The following PACRG variants were observed in gnomAD, a reference collection of about 807,000 sequenced individuals.
PACRG encodes parkin coregulated.
A neutral mutation model predicts 29.7 loss-of-function variants in PACRG; 29 were observed. The observed-to-expected ratio is 0.98, with a 90% CI of 0.73 to 1.33. The LOEUF (loss-of-function observed/expected upper bound fraction) is 1.33. Among genes scored for constraint, PACRG ranks in the 40% most tolerant of loss-of-function variants. PACRG has a pLI of 0.00. For synonymous variants in PACRG, 116 were observed against 118.7 expected (o/e 0.98, Z 0.15); for missense variants, 279 against 316.2 (o/e 0.88, Z 0.89).
At chr6:162,783,483 G>T (rs1383173522) in intron 1 of PACRG, among the ~76,000 whole-genome samples, 1 of 151,758 alleles carries the variant, frequency 6.6e-6, no homozygotes, top group East Asian at 1.9e-4. Flanking sequence ...TATAACTGCT[G>T]TTTTTCATTT....
At chr6:162,951,294 A>G (rs1799627061) in intron 2 of PACRG, among the ~76,000 whole-genome samples, 1 of 152,232 alleles carries the variant, frequency 6.6e-6, no homozygotes, top group Non-Finnish European at 1.5e-5. Context: ...GAAAGATTGA[A>G]ACTCGCTTAG....
At chr6:162,878,832 A>G (rs528757860) in intron 2 of PACRG, among the ~76,000 whole-genome samples, 1 of 152,348 alleles carries the variant, frequency 6.6e-6, no homozygotes, top group East Asian at 1.9e-4. Context: ...GCCCCATGTT[A>G]TTCTAAATCT....
chr6:163,005,846 C>G (rs1270421986), intron 2 of PACRG, among the ~76,000 whole-genome samples: 1 of 146,470 alleles, frequency 6.8e-6, no homozygotes, highest in East Asian at 2.0e-4. Flanking sequence ...CATAGTTATA[C>G]GTGTTATATA....
chr6:162,875,269 T>C (rs1321684168), intron 2 of PACRG, among the ~76,000 whole-genome samples: 1 of 127,474 alleles, frequency 7.8e-6, no homozygotes, highest in Non-Finnish European at 1.7e-5. Context: ...GCACACACAG[T>C]CATCCACACA....
chr6:162,867,733 A>G (rs577198829), intron 2 of PACRG, among the ~76,000 whole-genome samples: 77 of 152,354 alleles, frequency 5.1e-4, no homozygotes, highest in Admixed American at 2.8e-3. Context: ...TTGATGAACC[A>G]GGTGGCTACC....
chr6:162,758,987 T>C (rs878976356), intron 1 of PACRG, among the ~76,000 whole-genome samples: 1 of 152,206 alleles, frequency 6.6e-6, no homozygotes, highest in Non-Finnish European at 1.5e-5. Flanking sequence ...CATATTGTAG[T>C]GTTTAAAGAC....
intron 2 of PACRG, among the ~76,000 whole-genome samples, chr6:163,034,480 C>G (rs919928188): frequency 1.3e-5 from 2 of 152,178 alleles, no homozygotes; most frequent in East Asian, 3.9e-4. Flanking sequence ...GGCTTCTAAC[C>G]CAAGGTTGGT....
chr6:162,826,743 G>A (rs956646602), intron 2 of PACRG, among the ~76,000 whole-genome samples: 6 of 152,222 alleles, frequency 3.9e-5, no homozygotes, highest in East Asian at 1.9e-4. Context: ...GATTAGCGAC[G>A]TGAGCCACCG....
At chr6:163,120,522 G>A (rs930610266) in intron 4 of PACRG, among the ~76,000 whole-genome samples, 4 of 152,146 alleles carry the variant, frequency 2.6e-5, no homozygotes, top group Non-Finnish European at 5.9e-5. Flanking sequence ...CTGGACCCAC[G>A]GGACATGAGA....
At chr6:163,080,516 C>T (rs1233904742) in intron 3 of PACRG, among the ~76,000 whole-genome samples, 1 of 152,206 alleles carries the variant, frequency 6.6e-6, no homozygotes, top group Admixed American at 6.5e-5. Flanking sequence ...CTTCAGGTTT[C>T]ATTCTCTGTG....
intron 4 of PACRG, among the ~76,000 whole-genome samples, chr6:163,096,187 AC>A (rs890329833): frequency 6.6e-6 from 1 of 152,102 alleles, no homozygotes; most frequent in Non-Finnish European, 1.5e-5. Flanking sequence ...CTGCAAACTA[AC>A]CAGAGATGGA....
Position 162,969,900 on chromosome 6 carries a change from T to C in PACRG, c.292-92250T>C, listed in dbSNP as rs570356042. On this transcript the variant is annotated intron_variant, in intron 2 of 4. Coordinates refer to ENST00000366888, the MANE Select transcript of PACRG (RefSeq NM_001080379.2). Reference sequence around the variant, plus strand: ...GCATTTGCCGCCAATTGCCACTGTTTATCTGCATGTTTGTTGCATGTGAGC... The same window carrying C: ...GCATTTGCCGCCAATTGCCACTGTTCATCTGCATGTTTGTTGCATGTGAGC... 3.9e-5 allele frequency among the ~76,000 whole-genome samples: 6 copies of C among 152,336 alleles called. No homozygotes were observed. In the East Asian group the frequency reaches 7.7e-4, roughly 20 times the overall value.
intron 1 of PACRG, among the ~76,000 whole-genome samples, chr6:162,797,590 G>T (rs1336160898): frequency 6.6e-6 from 1 of 152,108 alleles, no homozygotes; most frequent in Admixed American, 6.6e-5. Context: ...AATTTCTTCA[G>T]CAATAAATAA....
rs976728391 is a variant in PACRG at position 163,223,350 on chromosome 6, C to T, written c.614-91477C>T. Among the ~76,000 whole-genome samples the T allele has an allele frequency of 1.6e-4, 24 of 152,172 alleles. 1 individual carries two copies. The highest frequency in any genetic ancestry group is 1.1e-3 in the Admixed American group (17 of 15,290). ...CAGAGGTTGCAGTAAGCCGAGATTGCGCCGTTGCACTCCAGCCTGGGCAAA... is the reference window on the plus strand; with the variant it reads ...CAGAGGTTGCAGTAAGCCGAGATTGTGCCGTTGCACTCCAGCCTGGGCAAA... On this transcript the variant is annotated intron_variant, in intron 4 of 4. Transcript: ENST00000366888.
intron 1 of PACRG, among the ~76,000 whole-genome samples, chr6:162,741,899 A>T (rs774907625): frequency 1.3e-5 from 2 of 152,262 alleles, no homozygotes; most frequent in Admixed American, 6.5e-5. Context: ...CATACTCATA[A>T]TTTTTTTGCA....
intron 4 of PACRG, among the ~76,000 whole-genome samples, chr6:163,229,339 A>G (rs1205545361): frequency 6.8e-6 from 1 of 146,992 alleles, no homozygotes; most frequent in Non-Finnish European, 1.5e-5. Flanking sequence ...ACAGAGTGAG[A>G]CCTCTGCCTT....
intron 1 of PACRG, among the ~76,000 whole-genome samples, chr6:162,786,854 T>C (rs1784501622): frequency 6.6e-6 from 1 of 152,302 alleles, no homozygotes; most frequent in Admixed American, 6.5e-5. Flanking sequence ...ATTTTTTCAG[T>C]TGTATTGGAT....
intron 2 of PACRG, among the ~76,000 whole-genome samples, chr6:162,989,527 T>C (rs1803227183): frequency 6.6e-6 from 1 of 152,172 alleles, no homozygotes; most frequent in Non-Finnish European, 1.5e-5. Context: ...AGATTACTTA[T>C]AATACCTAAT....
At chr6:163,145,138 G>GA (rs1488433306) in intron 4 of PACRG, among the ~76,000 whole-genome samples, 2 of 152,228 alleles carry the variant, frequency 1.3e-5, no homozygotes, top group Non-Finnish European at 2.9e-5. Context: ...TCTGGAGTCT[G>GA]AATGCCTTGG....
Sources: allele counts gnomAD v4.1 joint callset (sites outside exome capture counted in the v4.1 genomes callset), GRCh38; gene constraint gnomAD v4.1.1; transcripts MANE v1.5; gene names NCBI Gene and HGNC (gene_info 2026-07-23, HGNC 2026-07-21).